RBM33: variants seen among roughly 807,000 people sequenced by gnomAD.
The protein encoded by RBM33 is RNA binding motif protein 33, also known as RNA-binding protein 33.
A neutral mutation model predicts 132.6 loss-of-function variants in RBM33; 28 were observed. The ratio of observed to expected loss-of-function variants is 0.21; its 90% CI spans 0.16 to 0.29. The LOEUF is 0.29. RBM33 is among the 10% of genes least tolerant of loss of function. RBM33 has a pLI of 1.00. For synonymous variants in RBM33, 634 were observed against 593.0 expected (o/e 1.07, Z -1.01); for missense variants, 1,291 against 1,518.5 (o/e 0.85, Z 2.49).
At chr7:155,743,824 T>G (rs67030275) in intron 13 of RBM33, among the ~76,000 whole-genome samples, 31,914 of 152,102 alleles carry the variant, frequency 0.21, 3,994 homozygotes, top group African/African-American at 0.34. Flanking sequence ...CAGTGGCCCC[T>G]TGGGTCCTGT....
At chr7:155,711,168 T>C in intron 7 of RBM33, 35 bp from the exon 8 acceptor site, 4 of 1,473,796 alleles carry the variant, frequency 2.7e-6, no homozygotes, top group Non-Finnish European at 3.6e-6. Flanking sequence ...TTTTGTGATT[T>C]GTAGACTCAT....
Position 155,674,067 on chromosome 7 carries a change from C to A in RBM33, c.171+1152C>A, listed in dbSNP as rs866381811. Among the ~76,000 whole-genome samples, 6 of 149,862 alleles carry A rather than the reference C, an allele frequency of 4.0e-5. 1 individual carries two copies. Among genetic ancestry groups the A allele is most frequent in the Middle Eastern group, 6.6e-3 (2 of 304 alleles). On this transcript the variant is annotated intron_variant, in intron 3 of 17. Transcript: ENST00000401878. ...AAGTGATTACTGCATCATTAGCCTG[C>A]AGGTCGCCTGGCTTTGGCCTAACCC...
chr7:155,684,268 C>G (rs1028706156), intron 5 of RBM33, among the ~76,000 whole-genome samples: 1 of 152,120 alleles, frequency 6.6e-6, no homozygotes, highest in Non-Finnish European at 1.5e-5. Flanking sequence ...GGCTGGGACC[C>G]TGGGAAGTCT....
intron 2 of RBM33, among the ~76,000 whole-genome samples, chr7:155,670,963 T>C (rs1244455947): frequency 6.6e-6 from 1 of 152,246 alleles, no homozygotes; most frequent in Non-Finnish European, 1.5e-5. Flanking sequence ...ACAGATACTT[T>C]CTAGATTTTT....
intron 5 of RBM33, among the ~76,000 whole-genome samples, chr7:155,685,243 G>A (rs985915386): frequency 2.0e-5 from 3 of 152,202 alleles, no homozygotes; most frequent in Admixed American, 6.5e-5. Context: ...CATAGCGTGT[G>A]CCGTTTAAGT....
intron 3 of RBM33, among the ~76,000 whole-genome samples, chr7:155,674,395 C>T (rs1799117015): frequency 6.6e-6 from 1 of 151,812 alleles, no homozygotes. Flanking sequence ...TATTTTTGTA[C>T]CTAAAGTGGC....
In RBM33 at chr7:155,777,099, C is replaced by G. The variant is rs1329370953; in HGVS notation, c.*2058C>G. 6.6e-6 allele frequency: 1 copy of G among 151,606 alleles called. No homozygotes were observed. Among genetic ancestry groups the G allele is most frequent in the Admixed American group, 6.6e-5 (1 of 15,174 alleles). The allele number at this position is 151,606 out of a possible 1,614,324, so 9.4% of individuals were successfully genotyped here. A position where few individuals can be genotyped will look rare whatever the true frequency, so the allele number is the denominator to read the frequency against. ...AAATAGAGTGTGCTGTGTTTAAAAC[C>G]AAAAATATGCATGTTGTCTCTGAAA... On this transcript the variant is annotated 3_prime_UTR_variant, in exon 18 of 18. Coordinates refer to ENST00000401878, the MANE Select transcript of RBM33 (RefSeq NM_053043.3).
At chr7:155,659,677 A>T (rs1788870426) in intron 1 of RBM33, among the ~76,000 whole-genome samples, 1 of 152,248 alleles carries the variant, frequency 6.6e-6, no homozygotes, top group Admixed American at 6.5e-5. Flanking sequence ...TGAGGAAATA[A>T]TGGCTGAAAA....
chr7:155,740,684 T>A (rs1006916591), intron 12 of RBM33, among the ~76,000 whole-genome samples: 4 of 152,274 alleles, frequency 2.6e-5, no homozygotes, highest in Non-Finnish European at 4.4e-5. Context: ...TCATTGCCCT[T>A]GTCCTCCATT....
intron 14 of RBM33, among the ~76,000 whole-genome samples, chr7:155,753,959 T>C (rs532791645): frequency 1.3e-5 from 2 of 152,352 alleles, no homozygotes; most frequent in South Asian, 2.1e-4. Context: ...ATCTTCCTTT[T>C]GGAGGAGAAA....
rs1802673004 is a variant in RBM33, at chr7:155,777,874, T to A, written c.*2833T>A. On this transcript the variant is annotated 3_prime_UTR_variant, in exon 18 of 18. Coordinates refer to ENST00000401878, the MANE Select transcript of RBM33 (RefSeq NM_053043.3). ...TTATTTGTTCACAAATTCAAGAAGCTTAAAGGTCGTAAATATCAGTATCTC... is the reference window on the plus strand; with the variant it reads ...TTATTTGTTCACAAATTCAAGAAGCATAAAGGTCGTAAATATCAGTATCTC... 1 of 152,644 alleles carries A rather than the reference T, an allele frequency of 6.6e-6. No homozygotes were observed. The highest frequency in any genetic ancestry group is 1.5e-5 in the Non-Finnish European group (1 of 68,036). The allele number at this position is 152,644 out of a possible 1,614,324, so 9.5% of individuals were successfully genotyped here.
At chr7:155,672,689 C>T (rs1798974847) in intron 2 of RBM33, among the ~76,000 whole-genome samples, 178 bp from the exon 3 acceptor site, 2 of 145,338 alleles carry the variant, frequency 1.4e-5, no homozygotes, top group Non-Finnish European at 3.0e-5. Context: ...AGGTTGCAGT[C>T]AGCTGAGATT....
Position 155,707,038 on chromosome 7 carries a change from T to G in RBM33, c.918T>G (p.Pro306=). 2 of 1,562,918 alleles carry G rather than the reference T, an allele frequency of 1.3e-6. No homozygotes were observed. The highest frequency in any genetic ancestry group is 1.7e-6 in the Non-Finnish European group (2 of 1,153,900). The change falls in exon 7 of 18, where the codon CCT becomes CCG. Residue 306 remains proline, a synonymous_variant. Transcript: ENST00000401878. ...TERGRMKDHR[P]ALLPTQPPVV... ...GGGGCAGGATGAAGGACCACAGACC[T>G]GCGCTGCTTCCTACACAGCCTCCTG...
Position 155,707,036 on chromosome 7 carries a change from C to T in RBM33, c.916C>T (p.Pro306Ser). The change falls in exon 7 of 18, where the codon CCT (proline) becomes TCT (serine). Residue 306 changes from proline to serine, a missense_variant. Transcript: ENST00000401878. ...GAGGGGCAGGATGAAGGACCACAGA[C>T]CTGCGCTGCTTCCTACACAGCCTCC... ...TERGRMKDHR[P>S]ALLPTQPPVV... is the part of the protein sequence containing the mutation. 3 of 1,565,242 alleles carry T rather than the reference C, an allele frequency of 1.9e-6. No individual in the cohort carries two copies. Among genetic ancestry groups the T allele is most frequent in the Non-Finnish European group, 1.7e-6 (2 of 1,155,042 alleles).
rs527579839 is a variant in RBM33 at position 155,720,252 on chromosome 7, C to T, written c.1260+1809C>T. Among the ~76,000 whole-genome samples the T allele has an allele frequency of 1.5e-3, 234 of 152,298 alleles. 1 individual carries two copies. Among genetic ancestry groups the T allele is most frequent in the Admixed American group, 4.0e-3 (61 of 15,298 alleles). On this transcript the variant is annotated intron_variant, in intron 9 of 17. Coordinates refer to ENST00000401878, the MANE Select transcript of RBM33 (RefSeq NM_053043.3). ...TTCTCTTCAGCCCAGGTATTTACCA[C>T]GATTTAACACGTATCTTCCTTTAAG...
rs561400247 is a variant in RBM33, at chr7:155,776,127, C to G, written c.*1086C>G. On this transcript the variant is annotated 3_prime_UTR_variant, in exon 18 of 18. Transcript: ENST00000401878. The surrounding 1 kb of genome is among the most constrained non-coding windows in gnomAD (Gnocchi z 4.0). ...TGCTTTTCGTAATTGCGGGTAGGTT[C>G]CTGTAGGTGAGACATATTCTCCATA... 10 of 152,520 alleles carry G rather than the reference C, an allele frequency of 6.6e-5. No individual in the cohort carries two copies. The highest frequency in any genetic ancestry group is 8.8e-5 in the Non-Finnish European group (6 of 68,040). 9.4% of individuals were successfully genotyped at this position (152,520 alleles called of 1,614,324 possible).
rs1462116456 is a variant in RBM33 at position 155,738,200 on chromosome 7, G to A, written c.1534G>A (p.Ala512Thr). 5 of 1,613,850 alleles carry A rather than the reference G, an allele frequency of 3.1e-6. No homozygotes were observed. The East Asian group carries it at 6.7e-5, about 22-fold the overall frequency. ...SPLPFTQPGP[A>T]FNQQGQQPVF... ...TCTACCATTCACTCAGCCAGGACCA[G>A]CATTTAATCAGCAAGGACAGCAGCC... Residue 512 changes from alanine (A) to threonine (T), a missense_variant, in exon 11 of 18, where the codon GCA becomes ACA. Ala to Thr is a moderately conservative substitution (Grantham distance 58). Around this residue, in one of 7 missense-constraint regions of RBM33, gnomAD observed 841 missense variants for 912.0 expected, o/e 0.92. Transcript: ENST00000401878.
chr7:155,662,856 G>T (rs2116887487), intron 1 of RBM33, among the ~76,000 whole-genome samples: 1 of 152,314 alleles, frequency 6.6e-6, no homozygotes, highest in South Asian at 2.1e-4. Flanking sequence ...CTCCAGCTGG[G>T]AGCTGAGTGG....
intron 3 of RBM33, among the ~76,000 whole-genome samples, chr7:155,677,095 T>G (rs1799204320): frequency 6.6e-6 from 1 of 152,182 alleles, no homozygotes; most frequent in African/African-American, 2.4e-5. Context: ...AAACTGAGGT[T>G]TGTCTGTGGT....
Sources: gnomAD v4.1 joint callset for allele counts (sites outside exome capture counted in the v4.1 genomes callset) on GRCh38, gnomAD v4.1.1 for gene constraint, gnomAD v4.1.1 regional missense constraint, Gnocchi (gnomAD v3.1) non-coding constraint, MANE v1.5 for transcripts, NCBI Gene and HGNC (gene_info 2026-07-23, HGNC 2026-07-21) for gene names.